Variants in NLRC3 observed in about 807,000 individuals in gnomAD.
The protein encoded by NLRC3 is NLR family CARD domain-containing protein 3.
A neutral mutation model predicts 91.6 loss-of-function variants in NLRC3; 87 were observed. The ratio of observed to expected loss-of-function variants is 0.95; its 90% CI spans 0.80 to 1.14. The LOEUF is 1.14. NLRC3 is among the 50% of genes most tolerant of loss of function. NLRC3 has a pLI of 0.00. For missense variants in NLRC3, 1,577 were observed against 1,418.6 expected, an observed-to-expected ratio of 1.11 and a Z score of -1.79; for synonymous variants, 694 against 625.3, an observed-to-expected ratio of 1.11 and a Z score of -1.64.
chr16:3,552,535 G>A (rs1361091123), intron 9 of NLRC3, among the ~76,000 whole-genome samples: 1 of 152,160 alleles, frequency 6.6e-6, no homozygotes, highest in Non-Finnish European at 1.5e-5. Flanking sequence ...ATCAGTAGGT[G>A]CTGATAATGC....
intron 6 of NLRC3, among the ~76,000 whole-genome samples, chr16:3,560,625 C>A (rs906553211): frequency 6.6e-6 from 1 of 152,136 alleles, no homozygotes; most frequent in South Asian, 2.1e-4. Flanking sequence ...TGTCTAATTA[C>A]AAGATGAAGG....
intron 17 of NLRC3, 161 bp downstream of exon 17, chr16:3,543,264 A>G: frequency 1.6e-6 from 1 of 626,560 alleles, no homozygotes; most frequent in Middle Eastern, 2.7e-4. Context: ...ACTCCCAGGG[A>G]AAGGCATGAA....
At position 3,549,924 on chromosome 16, in the gene NLRC3, ATC is replaced by A. The variant is rs1037499897; in HGVS notation, c.2436-146_2436-145del. ...TGGTGGCCACACTGCTTCTCTTCTC[ATC>A]TCTCTTTCCTCTCCCAGCCCCCCAC... is the stretch of plus-strand genomic sequence containing the variant. On this transcript the variant is annotated intron_variant, in intron 11 of 19. Coordinates refer to ENST00000359128, the MANE Select transcript of NLRC3 (RefSeq NM_178844.4). The A allele has an allele frequency of 4.9e-6, 3 of 608,028 alleles. No homozygotes were observed. The African/African-American group carries it at 5.6e-5, about 11-fold the overall frequency. The allele number at this position is 608,028 out of a possible 1,614,324, so 37.7% of individuals were successfully genotyped here. A position where few individuals can be genotyped will look rare whatever the true frequency, so the allele number is the denominator to read the frequency against.
chr16:3,543,228 C>G, intron 17 of NLRC3, 197 bp downstream of exon 17: 2 of 576,898 alleles, frequency 3.5e-6, no homozygotes. Flanking sequence ...GCAAGGCCAA[C>G]CCGGAGAGGA....
At chr16:3,566,473 C>G (rs966430522) in intron 2 of NLRC3, among the ~76,000 whole-genome samples, 6 of 152,158 alleles carry the variant, frequency 3.9e-5, no homozygotes, top group Non-Finnish European at 7.3e-5. Context: ...CGCCTGTAAT[C>G]CCAGCACTTT....
intron 1 of NLRC3, among the ~76,000 whole-genome samples, chr16:3,572,528 T>TCTTC (rs760892254): frequency 6.6e-6 from 1 of 152,198 alleles, no homozygotes; most frequent in Non-Finnish European, 1.5e-5. Flanking sequence ...GGTCAAGCAA[T>TCTTC]CTTCCCACCT....
chr16:3,545,696 C>T (rs1030557458), intron 15 of NLRC3: 1 of 152,206 alleles, frequency 6.6e-6, no homozygotes, highest in Non-Finnish European at 1.5e-5. Context: ...AGGGTGTCAA[C>T]AGAAGGCTCC....
At chr16:3,550,749 A>C (rs2038949222) in intron 10 of NLRC3, among the ~76,000 whole-genome samples, 1 of 152,124 alleles carries the variant, frequency 6.6e-6, no homozygotes. Context: ...TTCAGTGATA[A>C]GTATTTTGGG....
chr16:3,554,107 A>C, intron 9 of NLRC3, 135 bp downstream of exon 9: 1 of 638,058 alleles, frequency 1.6e-6, no homozygotes, highest in South Asian at 1.9e-5. Flanking sequence ...AATGGGCATC[A>C]GGGGCCATCC....
intron 3 of NLRC3, 24 bp from the exon 4 acceptor site, chr16:3,565,084 G>C: frequency 1.3e-6 from 2 of 1,562,990 alleles, no homozygotes. Context: ...GCCTGAACCT[G>C]CTGCCTGCCG....
At chr16:3,571,419 C>T (rs1297828297) in intron 1 of NLRC3, among the ~76,000 whole-genome samples, 2 of 150,040 alleles carry the variant, frequency 1.3e-5, no homozygotes, top group African/African-American at 2.4e-5. Flanking sequence ...GTGGTGGGCA[C>T]CTGTGGAACT....
chr16:3,553,411 C>T (rs1369147870), intron 9 of NLRC3, among the ~76,000 whole-genome samples: 2 of 152,218 alleles, frequency 1.3e-5, no homozygotes, highest in African/African-American at 4.8e-5. Context: ...TCTAAAGTAC[C>T]TGCGTGTCAT....
At chr16:3,549,619 G>C (rs2038889436) in intron 12 of NLRC3, 78 bp downstream of exon 12, 2 of 1,095,406 alleles carry the variant, frequency 1.8e-6, no homozygotes, top group Non-Finnish European at 2.7e-6. Context: ...CCTGAGACAG[G>C]CTTCCCAGTG....
chr16:3,569,763 C>T (rs1387221412), intron 1 of NLRC3, among the ~76,000 whole-genome samples: 2 of 152,092 alleles, frequency 1.3e-5, no homozygotes, highest in Non-Finnish European at 2.9e-5. Flanking sequence ...TTCCTTGGAG[C>T]AATAAGGTTG....
In NLRC3 at chr16:3,563,508, C is replaced by G. The variant is rs1356265148; in HGVS notation, c.1429G>C (p.Asp477His). 1.2e-6 allele frequency: 2 copies of G among 1,600,556 alleles called. No individual in the cohort carries two copies. The highest frequency in any genetic ancestry group is 1.7e-6 in the Non-Finnish European group (2 of 1,174,064). Reference sequence around the variant, plus strand: ...GATACGCCGCTCTCAGTGAAGAGGTCGAAGATGGCCCTCCTGGATGCGCCA... The same window carrying G: ...GATACGCCGCTCTCAGTGAAGAGGTGGAAGATGGCCCTCCTGGATGCGCCA... ...YYGASRRAIF[D>H]LFTESGVSWP... is the part of the protein sequence containing the mutation. Residue 477 changes from aspartate (D) to histidine (H), a missense_variant, in exon 5 of 20, where the codon GAC becomes CAC. Asp to His is a moderately conservative substitution (Grantham distance 81, BLOSUM62 -1). Coordinates refer to ENST00000359128, the MANE Select transcript of NLRC3 (RefSeq NM_178844.4).
chr16:3,575,490 CA>C (rs1290696384), intron 1 of NLRC3, among the ~76,000 whole-genome samples: 1 of 152,220 alleles, frequency 6.6e-6, no homozygotes, highest in Non-Finnish European at 1.5e-5. Context: ...GGTCGCTCCA[CA>C]GCTGGTTTGA....
intron 1 of NLRC3, among the ~76,000 whole-genome samples, chr16:3,569,293 G>A (rs2039997690): frequency 7.5e-6 from 1 of 133,948 alleles, no homozygotes; most frequent in African/African-American, 2.9e-5. Context: ...CAGCCGGGGT[G>A]ACAGAGAGAG....
chr16:3,543,752 T>G, intron 16 of NLRC3: 1 of 538,340 alleles, frequency 1.9e-6, no homozygotes, highest in Non-Finnish European at 3.4e-6. Flanking sequence ...GGGAGAATGC[T>G]CCCTGTACCT....
chr16:3,548,570 G>A, intron 14 of NLRC3, 100 bp downstream of exon 14: 1 of 886,414 alleles, frequency 1.1e-6, no homozygotes, highest in East Asian at 2.7e-5. Context: ...TTTGCAGGGG[G>A]TGTCCCCAAA....
Sources: gnomAD v4.1 joint callset for allele counts (sites outside exome capture counted in the v4.1 genomes callset) on GRCh38, gnomAD v4.1.1 for gene constraint, MANE v1.5 for transcripts, NCBI Gene and HGNC (gene_info 2026-07-23, HGNC 2026-07-21) for gene names.